Variants in PRKCA observed in about 807,000 individuals in gnomAD.
PRKCA encodes the protein protein kinase C alpha.
In PRKCA, 27 loss-of-function variants were observed where a neutral mutation model predicts 87.0. The ratio of observed to expected loss-of-function variants is 0.31; its 90% CI spans 0.23 to 0.43. PRKCA has a LOEUF of 0.43. Ranked by LOEUF, PRKCA falls within the 20% of genes least tolerant of loss-of-function variation. PRKCA has a pLI of 1.00. For synonymous variants in PRKCA, 329 were observed against 311.1 expected (o/e 1.06, Z -0.61); for missense variants, 518 against 852.3 (o/e 0.61, Z 4.88).
chr17:66,412,304 G>A (rs1911860384), intron 2 of PRKCA, among the ~76,000 whole-genome samples: 1 of 152,096 alleles, frequency 6.6e-6, no homozygotes, highest in East Asian at 1.9e-4. Context: ...TCGTCCACCA[G>A]GCTTGGCCTT....
At chr17:66,400,326 A>T (rs1213137161) in intron 2 of PRKCA, among the ~76,000 whole-genome samples, 1 of 152,072 alleles carries the variant, frequency 6.6e-6, no homozygotes, top group Non-Finnish European at 1.5e-5. Context: ...TAATTTTTGC[A>T]TTTTTAGTAG....
At chr17:66,582,656 A>T (rs1489317472) in intron 3 of PRKCA, among the ~76,000 whole-genome samples, 1 of 152,092 alleles carries the variant, frequency 6.6e-6, no homozygotes, top group Non-Finnish European at 1.5e-5. Flanking sequence ...CATCTTGGGT[A>T]TGTCTTTATT....
At chr17:66,441,162 CAAAAAAAAAAAAA>C (rs199828612) in intron 2 of PRKCA, among the ~76,000 whole-genome samples, 60,951 of 107,856 alleles carry the variant, frequency 0.57, 13,671 homozygotes, top group East Asian at 0.75. Flanking sequence ...ACTCTGTCTC[CAAAAAAAAAAAAA>C]AAAAAAAAAA....
At chr17:66,767,776 C>T (rs1309320055) in intron 13 of PRKCA, among the ~76,000 whole-genome samples, 2 of 152,124 alleles carry the variant, frequency 1.3e-5, no homozygotes, top group African/African-American at 4.8e-5. Context: ...ACATCACTTC[C>T]TCTCCCTGTC....
At chr17:66,359,622 CTAAA>C in intron 2 of PRKCA, among the ~76,000 whole-genome samples, 1 of 152,222 alleles carries the variant, frequency 6.6e-6, no homozygotes, top group Non-Finnish European at 1.5e-5. Flanking sequence ...GAAATAAATA[CTAAA>C]TAAATAATCT....
At chr17:66,727,426 C>T (rs910374490) in intron 8 of PRKCA, among the ~76,000 whole-genome samples, 1 of 151,956 alleles carries the variant, frequency 6.6e-6, no homozygotes, top group African/African-American at 2.4e-5. Context: ...CTGGAACGGC[C>T]GTGGCACTGG....
intron 3 of PRKCA, among the ~76,000 whole-genome samples, chr17:66,636,507 T>G (rs1355163839): frequency 6.6e-6 from 1 of 152,158 alleles, no homozygotes; most frequent in Admixed American, 6.5e-5. Context: ...GTCCCTTGAC[T>G]TCTGCCAGCT....
At chr17:66,574,002 G>A (rs1226371971) in intron 3 of PRKCA, among the ~76,000 whole-genome samples, 1 of 152,110 alleles carries the variant, frequency 6.6e-6, no homozygotes, top group East Asian at 1.9e-4. Context: ...GGCCCGAAGG[G>A]TATTAAAGAC....
At chr17:66,563,296 AT>A (rs1968773566) in intron 3 of PRKCA, among the ~76,000 whole-genome samples, 3 of 152,030 alleles carry the variant, frequency 2.0e-5, no homozygotes, top group Admixed American at 6.6e-5. Context: ...CATACAGAGG[AT>A]CTTCACTGCC....
chr17:66,539,558 C>T (rs1243341461), intron 3 of PRKCA, among the ~76,000 whole-genome samples: 1 of 152,072 alleles, frequency 6.6e-6, no homozygotes, highest in African/African-American at 2.4e-5. Flanking sequence ...CGCCCGCCAC[C>T]ACATCCAGCT....
chr17:66,749,161 G>A (rs902319627), intron 13 of PRKCA, among the ~76,000 whole-genome samples: 2 of 151,718 alleles, frequency 1.3e-5, no homozygotes, highest in African/African-American at 4.8e-5. Flanking sequence ...GTGACACCAG[G>A]ACGGGCGGGT....
At chr17:66,507,481 A>G (rs1226058297) in intron 3 of PRKCA, among the ~76,000 whole-genome samples, 1 of 152,238 alleles carries the variant, frequency 6.6e-6, no homozygotes, top group Non-Finnish European at 1.5e-5. Flanking sequence ...CATTGTGACT[A>G]TGAGAAATCT....
intron 3 of PRKCA, among the ~76,000 whole-genome samples, chr17:66,546,583 G>A (rs1968151336): frequency 6.6e-6 from 1 of 152,288 alleles, no homozygotes; most frequent in South Asian, 2.1e-4. Flanking sequence ...TCTTCCCTCT[G>A]TGTGTGCCTG....
At chr17:66,672,992 G>T (rs1402498073) in intron 5 of PRKCA, among the ~76,000 whole-genome samples, 1 of 151,970 alleles carries the variant, frequency 6.6e-6, no homozygotes, top group Admixed American at 6.6e-5. Flanking sequence ...TGTATGATGG[G>T]TGCACCCGTT....
At chr17:66,774,895 G>C in intron 14 of PRKCA, 1 of 985,392 alleles carries the variant, frequency 1.0e-6, no homozygotes, top group Non-Finnish European at 1.2e-6. Context: ...AGTTAAGGAA[G>C]GTAAATTAGC....
intron 5 of PRKCA, among the ~76,000 whole-genome samples, chr17:66,665,249 A>T (rs1972013488): frequency 6.6e-6 from 1 of 152,166 alleles, no homozygotes; most frequent in South Asian, 2.1e-4. Flanking sequence ...TCTTACCTTC[A>T]TTTAAATGGA....
intron 2 of PRKCA, among the ~76,000 whole-genome samples, chr17:66,361,678 A>T (rs530777465): frequency 3.3e-5 from 5 of 152,192 alleles, no homozygotes; most frequent in African/African-American, 1.2e-4. Flanking sequence ...TGGTTTTCCA[A>T]TAGTTTTCTT....
In PRKCA at chr17:66,687,094, T is replaced by G; in HGVS notation, c.530-17T>G. ...CTGTTCTCTTTTTGTAATATTTTCT[T>G]CCTTCTCTCTTCACAGTACGAGATG... On this transcript the variant is annotated splice_polypyrimidine_tract_variant and intron_variant, in intron 5 of 16. Coordinates refer to ENST00000413366, the MANE Select transcript of PRKCA (RefSeq NM_002737.3). The G allele has an allele frequency of 1.3e-6, 2 of 1,595,598 alleles. No homozygotes were observed. Among genetic ancestry groups the G allele is most frequent in the Non-Finnish European group, 1.7e-6 (2 of 1,167,268 alleles).
chr17:66,378,776 C>T (rs559305765), intron 2 of PRKCA, among the ~76,000 whole-genome samples: 1 of 152,042 alleles, frequency 6.6e-6, no homozygotes, highest in South Asian at 2.1e-4. Flanking sequence ...TGGCACATGG[C>T]TGTAATCCCA....
Sources: allele counts gnomAD v4.1 joint callset (sites outside exome capture counted in the v4.1 genomes callset), GRCh38; gene constraint gnomAD v4.1.1; transcripts MANE v1.5; gene names NCBI Gene and HGNC (gene_info 2026-07-23, HGNC 2026-07-21).